The following RUBCN variants were observed in gnomAD, a reference collection of about 807,000 sequenced individuals.
RUBCN encodes run domain Beclin-1-interacting and cysteine-rich domain-containing protein.
A neutral mutation model predicts 113.2 loss-of-function variants in RUBCN; 74 were observed. That is an observed-to-expected ratio of 0.65 (90% CI 0.54 to 0.79). The LOEUF (loss-of-function observed/expected upper bound fraction) is 0.79, where lower values mean the gene tolerates loss of function less well. RUBCN is among the 30% of genes least tolerant of loss of function. The pLI is 0.00. For synonymous variants in RUBCN, 480 were observed against 490.0 expected (o/e 0.98, Z 0.27); for missense variants, 1,109 against 1,251.7 (o/e 0.89, Z 1.72).
At chr3:197,738,854 A>G (rs541439906), upstream of RUBCN, among the ~76,000 whole-genome samples, 257 of 152,206 alleles carry the variant, frequency 1.7e-3, 1 homozygote, top group African/African-American at 5.8e-3. Context: ...AGTCACCCAA[A>G]AAGTATTGGG....
chr3:197,749,791 C>T (rs1459355251), upstream of RUBCN: 2 of 488,558 alleles, frequency 4.1e-6, no homozygotes, highest in South Asian at 2.6e-5. Context: ...CGGCGCGGGG[C>T]CGCTCTGGTC....
At chr3:197,719,184 G>A (rs1458124709) in intron 1 of RUBCN, among the ~76,000 whole-genome samples, 3 of 152,048 alleles carry the variant, frequency 2.0e-5, no homozygotes, top group Admixed American at 2.0e-4. Flanking sequence ...AACTGTTAAA[G>A]AACATCATGA....
At chr3:197,733,109 G>C (rs1727710180) in intron 1 of RUBCN, among the ~76,000 whole-genome samples, 1 of 152,204 alleles carries the variant, frequency 6.6e-6, no homozygotes, top group Non-Finnish European at 1.5e-5. Flanking sequence ...TGACTTTAAA[G>C]CTTATTCACG....
chr3:197,678,740 TCTAA>T (rs201443595), intron 16 of RUBCN, among the ~76,000 whole-genome samples: 40 of 143,170 alleles, frequency 2.8e-4, no homozygotes, highest in South Asian at 6.8e-4. Flanking sequence ...TGTCCTACGC[TCTAA>T]CTGACAACTG....
In RUBCN at chr3:197,736,685, C is replaced by T. The variant is rs748563888; in HGVS notation, c.35G>A (p.Gly12Asp). 47 of 1,532,170 alleles carry T rather than the reference C, an allele frequency of 3.1e-5. No homozygotes were observed. The highest frequency in any genetic ancestry group is 4.5e-4 in the Middle Eastern group (2 of 4,416). The allele number at this position is 1,532,170 out of a possible 1,614,324, so 94.9% of individuals were successfully genotyped here. ...RPEGAGMELG[G>D]GEERLPEESR... ...CTCCTCAGGCAGGCGCTCCTCGCCG[C>T]CTCCGAGCTCCATTCCCGCGCCCTC... The change falls in exon 1 of 20, where the codon GGC (glycine) becomes GAC (aspartate). Residue 12 changes from glycine to aspartate, a missense_variant. Transcript: ENST00000296343.
chr3:197,708,552 C>T, intron 2 of RUBCN, among the ~76,000 whole-genome samples: 1 of 101,090 alleles, frequency 9.9e-6, no homozygotes, highest in Non-Finnish European at 1.9e-5. Flanking sequence ...CAGTGGTAGA[C>T]TCAAAAAAAA....
At chr3:197,715,156 G>A (rs1403179663) in intron 2 of RUBCN, among the ~76,000 whole-genome samples, 1 of 151,874 alleles carries the variant, frequency 6.6e-6, no homozygotes, top group Non-Finnish European at 1.5e-5. Flanking sequence ...GGGCGTGGTG[G>A]TGCATGACTG....
intron 2 of RUBCN, among the ~76,000 whole-genome samples, chr3:197,711,904 A>G (rs1725011438): frequency 6.6e-6 from 1 of 152,212 alleles, no homozygotes; most frequent in African/African-American, 2.4e-5. Flanking sequence ...AAAAAGCAGA[A>G]AATATACCTC....
intron 4 of RUBCN, 24 bp downstream of exon 4, chr3:197,704,518 C>CT: frequency 6.2e-7 from 1 of 1,609,150 alleles, no homozygotes; most frequent in Non-Finnish European, 8.5e-7. Flanking sequence ...GCACAGATGA[C>CT]AGTCCTAAGT....
chr3:197,701,532 TC>T (rs1723669235), intron 6 of RUBCN, among the ~76,000 whole-genome samples, 175 bp downstream of exon 6: 1 of 152,230 alleles, frequency 6.6e-6, no homozygotes, highest in African/African-American at 2.4e-5. Flanking sequence ...TTCTGTTACT[TC>T]ATGATTCTAC....
chr3:197,675,571 C>G lies in RUBCN; in HGVS notation c.2647-56G>C. 7.5e-7 allele frequency: 1 copy of G among 1,341,230 alleles called. No individual in the cohort carries two copies. Among genetic ancestry groups the G allele is most frequent in the Admixed American group, 1.7e-5 (1 of 59,634 alleles). The allele number at this position is 1,341,230 out of a possible 1,614,324, so 83.1% of individuals were successfully genotyped here. ...AGGAGCGGCACATCAGGAACTGGCACGGGAGGGTGAACACCGAGGAGGGGA... is the reference window on the plus strand; with the variant it reads ...AGGAGCGGCACATCAGGAACTGGCAGGGGAGGGTGAACACCGAGGAGGGGA... On this transcript the variant is annotated intron_variant, in intron 18 of 19. Transcript: ENST00000296343. This position sits in a 1 kb window ranked among gnomAD's most constrained non-coding sequence, Gnocchi z 4.4.
In RUBCN at chr3:197,718,039, C is replaced by A; in HGVS notation, c.157G>T (p.Gly53Cys). Reference protein sequence around the residue: ...NSPNVWSKYGGLERLCRDMQS... With the variant: ...NSPNVWSKYGCLERLCRDMQS... ...ATGTCCCTGCAAAGCCGCTCCAAGC[C>A]ACCATACTTAGACCAGACGTTGGGG... Residue 53 changes from glycine to cysteine, a missense_variant, in exon 2 of 20, where the codon GGC (glycine) becomes TGC (cysteine). Gly to Cys is a radical substitution (Grantham distance 159). This residue lies in a region of RUBCN where 736 missense variants were observed against 779.6 expected (regional missense o/e 0.94). Transcript: ENST00000296343. 1 of 1,614,180 alleles carries A rather than the reference C, an allele frequency of 6.2e-7. No homozygotes were observed. Among genetic ancestry groups the A allele is most frequent in the Non-Finnish European group, 8.5e-7 (1 of 1,180,028 alleles).
At chr3:197,677,611 A>G (rs528590797) in intron 16 of RUBCN, 70 bp from the exon 17 acceptor site, 21 of 1,435,186 alleles carry the variant, frequency 1.5e-5, no homozygotes, top group East Asian at 2.3e-5. Flanking sequence ...TGGGAAGCCC[A>G]GGGCCTTTAA....
At position 197,675,337 on chromosome 3, in the gene RUBCN, G is replaced by A. The variant is rs912680421; in HGVS notation, c.2740+85C>T. 43 of 1,506,874 alleles carry A rather than the reference G, an allele frequency of 2.9e-5. No homozygotes were observed. The highest frequency in any genetic ancestry group is 1.7e-4 in the Middle Eastern group (1 of 5,752). The allele number at this position is 1,506,874 out of a possible 1,614,324, so 93.3% of individuals were successfully genotyped here. A position where few individuals can be genotyped will look rare whatever the true frequency, so the allele number is the denominator to read the frequency against. The stretch of plus-strand genomic sequence containing the variant: ...GCCCCGCGAGGTGCTGAGTGGCACC[G>A]AACTCTTGCTAACAGGGGTGGCTCT... On this transcript the variant is annotated intron_variant, in intron 19 of 19. Coordinates refer to ENST00000296343, the MANE Select transcript of RUBCN (RefSeq NM_014687.4). This position sits in a 1 kb window ranked among gnomAD's most constrained non-coding sequence, Gnocchi z 4.4.
Position 197,675,511 on chromosome 3 carries a change from C to T in RUBCN, c.2651G>A (p.Cys884Tyr). The change falls in exon 19 of 20, where the codon TGC (cysteine) becomes TAC (tyrosine). Residue 884 changes from cysteine to tyrosine, a missense_variant. Coordinates refer to ENST00000296343, the MANE Select transcript of RUBCN (RefSeq NM_014687.4). The surrounding 1 kb of genome is among the most constrained non-coding windows in gnomAD (Gnocchi z 4.4). ...GATHVERCML[C>Y]QAKGFICEFC... ...CTCACAGATGAAGCCTTTGGCTTGG[C>T]AGAGCTGGGGAGGAAAAACACAGAT... The T allele has an allele frequency of 6.2e-7, 1 of 1,613,434 alleles. No homozygotes were observed. Among genetic ancestry groups the T allele is most frequent in the Non-Finnish European group, 8.5e-7 (1 of 1,179,518 alleles).
intron 1 of RUBCN, among the ~76,000 whole-genome samples, chr3:197,747,453 T>G (rs1423218456): frequency 1.3e-5 from 2 of 151,828 alleles, no homozygotes; most frequent in East Asian, 3.9e-4. Flanking sequence ...ACTCCTGGGC[T>G]CAAGTGATCC....
chr3:197,731,712 C>T (rs931709671), intron 1 of RUBCN, among the ~76,000 whole-genome samples: 1 of 149,754 alleles, frequency 6.7e-6, no homozygotes, highest in African/African-American at 2.5e-5. Flanking sequence ...CAGAGGCGCC[C>T]CTCACTTCCC....
At position 197,736,664 on chromosome 3, in the gene RUBCN, T is replaced by C; in HGVS notation, c.56A>G (p.Glu19Gly). The C allele has an allele frequency of 6.5e-7, 1 of 1,532,438 alleles. No individual in the cohort carries two copies. The highest frequency in any genetic ancestry group is 1.4e-5 in the African/African-American group (1 of 72,884). 94.9% of individuals were successfully genotyped at this position (1,532,438 alleles called of 1,614,324 possible). A position where few individuals can be genotyped will look rare whatever the true frequency, so the allele number is the denominator to read the frequency against. ...ELGGGEERLPEESRREHWQLL... is the reference protein window; with the variant it reads ...ELGGGEERLPGESRREHWQLL... Reference sequence around the variant, plus strand: ...GCGGCTCCCAGCCCACCTGCTCTCCTCAGGCAGGCGCTCCTCGCCGCCTCC... The same window carrying C: ...GCGGCTCCCAGCCCACCTGCTCTCCCCAGGCAGGCGCTCCTCGCCGCCTCC... Residue 19 changes from glutamate to glycine, a missense_variant, in exon 1 of 20, where the codon GAG (glutamate) becomes GGG (glycine). Around this residue, in one of 3 missense-constraint regions of RUBCN, gnomAD observed 736 missense variants for 779.6 expected, o/e 0.94. Coordinates refer to ENST00000296343, the MANE Select transcript of RUBCN (RefSeq NM_014687.4).
chr3:197,696,381 A>C (rs4857586), intron 8 of RUBCN, among the ~76,000 whole-genome samples: 8,243 of 151,956 alleles, frequency 0.054, 860 homozygotes, highest in African/African-American at 0.19. Flanking sequence ...TCAAAAAAAA[A>C]AAAACAAAAC....
Sources: gnomAD v4.1 joint callset for allele counts (sites outside exome capture counted in the v4.1 genomes callset) on GRCh38, gnomAD v4.1.1 for gene constraint, gnomAD v4.1.1 regional missense constraint, Gnocchi (gnomAD v3.1) non-coding constraint, MANE v1.5 for transcripts, NCBI Gene and HGNC (gene_info 2026-07-23, HGNC 2026-07-21) for gene names.